CRISPLD1: variants seen among roughly 807,000 people sequenced by gnomAD.
CRISPLD1 encodes cysteine-rich secretory protein LCCL domain-containing 1.
Under a neutral mutation model 77.5 loss-of-function variants are expected in CRISPLD1, and 60 were observed. The observed-to-expected ratio is 0.77, with a 90% CI of 0.63 to 0.96. CRISPLD1 has a LOEUF of 0.96. Among genes scored for constraint, CRISPLD1 ranks in the 40% least tolerant of loss-of-function variants. CRISPLD1 has a pLI of 0.00. For synonymous variants in CRISPLD1, 195 were observed against 200.1 expected (o/e 0.97, Z 0.22); for missense variants, 623 against 615.8 (o/e 1.01, Z -0.12).
chr8:74,994,789 T>G (rs551107261), intron 2 of CRISPLD1, among the ~76,000 whole-genome samples: 1 of 152,242 alleles, frequency 6.6e-6, no homozygotes, highest in Non-Finnish European at 1.5e-5. Context: ...TTTATTTCAT[T>G]TTGGAGGCAG....
chr8:75,008,223 G>A (rs928174807), intron 2 of CRISPLD1, among the ~76,000 whole-genome samples: 1 of 152,148 alleles, frequency 6.6e-6, no homozygotes, highest in African/African-American at 2.4e-5. Context: ...CACCTCAAGT[G>A]TATAGAAATG....
In CRISPLD1 at chr8:75,025,641, C is replaced by A; in HGVS notation, c.1320+20C>A. On this transcript the variant is annotated intron_variant, in intron 13 of 14. Transcript: ENST00000262207. Reference sequence around the variant, plus strand: ...TCTGATGTAAGTATCCTAATTTATACAGCTGTCAACATTCATGTATATATA... The same window carrying A: ...TCTGATGTAAGTATCCTAATTTATAAAGCTGTCAACATTCATGTATATATA... The A allele has an allele frequency of 1.6e-6, 2 of 1,219,082 alleles. No homozygotes were observed. Among genetic ancestry groups the A allele is most frequent in the Non-Finnish European group, 2.4e-6 (2 of 825,214 alleles). 75.5% of individuals were successfully genotyped at this position (1,219,082 alleles called of 1,614,324 possible).
chr8:75,030,734 A>G (rs1813322671), intron 14 of CRISPLD1, among the ~76,000 whole-genome samples: 1 of 134,086 alleles, frequency 7.5e-6, no homozygotes, highest in African/African-American at 2.7e-5. Context: ...GTCTGTGTAT[A>G]TATGTATGAG....
At position 75,016,574 on chromosome 8, in the gene CRISPLD1, A is replaced by T. The variant is rs1813031270; in HGVS notation, c.737A>T (p.Asp246Val). ...RENLCYKEGS[D>V]RYYPPREEET... Reference sequence around the variant, plus strand: ...CTGCTTTCTCTAACAGAAGGGTCAGACAGGTATTATCCCCCTCGAGAAGAG... The same window carrying T: ...CTGCTTTCTCTAACAGAAGGGTCAGTCAGGTATTATCCCCCTCGAGAAGAG... The change falls in exon 7 of 15, where the codon GAC becomes GTC. Residue 246 changes from aspartate (D) to valine (V), a missense_variant. By Grantham distance (152) the Asp-to-Val change is radical. Coordinates refer to ENST00000262207, the MANE Select transcript of CRISPLD1 (RefSeq NM_031461.6). The T allele has an allele frequency of 6.2e-7, 1 of 1,611,736 alleles. No individual in the cohort carries two copies. Among genetic ancestry groups the T allele is most frequent in the African/African-American group, 1.3e-5 (1 of 74,834 alleles).
intron 2 of CRISPLD1, among the ~76,000 whole-genome samples, chr8:74,999,775 C>CT (rs112068678): frequency 0.12 from 16,167 of 138,500 alleles, 930 homozygotes; most frequent in South Asian, 0.14. Flanking sequence ...TTTTTCTTTT[C>CT]TTTTTTTTTT....
chr8:75,031,338 T>G (rs1813341522), intron 14 of CRISPLD1, among the ~76,000 whole-genome samples: 1 of 152,090 alleles, frequency 6.6e-6, no homozygotes, highest in Non-Finnish European at 1.5e-5. Flanking sequence ...CTTTTGTAAT[T>G]ATTAAGAAAA....
chr8:74,988,937 G>A (rs956686119), intron 2 of CRISPLD1, among the ~76,000 whole-genome samples: 10 of 152,218 alleles, frequency 6.6e-5, no homozygotes, highest in Non-Finnish European at 1.0e-4. Context: ...TTGCTCATAA[G>A]CAAGGACACA....
chr8:75,031,512 T>C (rs1279261146), intron 14 of CRISPLD1, among the ~76,000 whole-genome samples: 1 of 151,908 alleles, frequency 6.6e-6, no homozygotes, highest in East Asian at 1.9e-4. Context: ...AATTTATGAG[T>C]CTGCATTACT....
intron 2 of CRISPLD1, among the ~76,000 whole-genome samples, chr8:75,011,855 T>C (rs139212819): frequency 6.6e-6 from 1 of 152,224 alleles, no homozygotes; most frequent in Non-Finnish European, 1.5e-5. Context: ...AAAAGATAGA[T>C]ATGTAAGCAG....
At chr8:74,999,459 A>G (rs1812701019) in intron 2 of CRISPLD1, among the ~76,000 whole-genome samples, 1 of 152,174 alleles carries the variant, frequency 6.6e-6, no homozygotes, top group Non-Finnish European at 1.5e-5. Context: ...GTCTAATACT[A>G]CTCAAACTTT....
intron 2 of CRISPLD1, among the ~76,000 whole-genome samples, chr8:74,988,790 A>G (rs1321417687): frequency 6.6e-6 from 1 of 152,144 alleles, no homozygotes; most frequent in Non-Finnish European, 1.5e-5. Context: ...AGCTGAGATC[A>G]CACCACTGCA....
chr8:74,992,742 G>A (rs1309762680), intron 2 of CRISPLD1, among the ~76,000 whole-genome samples: 2 of 152,082 alleles, frequency 1.3e-5, no homozygotes, highest in Non-Finnish European at 2.9e-5. Flanking sequence ...ACTGTAAGAC[G>A]AAACACATCT....
intron 2 of CRISPLD1, among the ~76,000 whole-genome samples, chr8:74,986,730 T>C (rs1391121493): frequency 6.6e-6 from 1 of 152,222 alleles, no homozygotes; most frequent in Non-Finnish European, 1.5e-5. Flanking sequence ...TTATGGTTGC[T>C]TTATGTTGAA....
rs1812715457 is a variant in CRISPLD1, at chr8:75,000,195, A to G, written c.259-12238A>G. The G allele has an allele frequency of 3.0e-6, 3 of 985,180 alleles. No homozygotes were observed. The Admixed American group carries it at 1.8e-4, about 61-fold the overall frequency. 61.0% of individuals were successfully genotyped at this position (985,180 alleles called of 1,614,324 possible). ...CAGTAAAGGTGCTGCTGGTAATAAA[A>G]CATGAAACTATATCTTATGCTTGGT... On this transcript the variant is annotated intron_variant, in intron 2 of 14. Coordinates refer to ENST00000262207, the MANE Select transcript of CRISPLD1 (RefSeq NM_031461.6).
chr8:74,988,178 G>T (rs1812523249), intron 2 of CRISPLD1, among the ~76,000 whole-genome samples: 1 of 152,120 alleles, frequency 6.6e-6, no homozygotes, highest in Non-Finnish European at 1.5e-5. Context: ...TATTTTATTT[G>T]AAATACTGTC....
In CRISPLD1 at chr8:75,034,528, T is replaced by C. The variant is rs1276588596; in HGVS notation, c.*2286T>C. On this transcript the variant is annotated 3_prime_UTR_variant, in exon 15 of 15. Transcript: ENST00000262207. Reference sequence around the variant, plus strand: ...TTTCCTGTGATTCTCCTTGTAAGAATTAAATGCTCTCTAATATGATATCCC... The same window carrying C: ...TTTCCTGTGATTCTCCTTGTAAGAACTAAATGCTCTCTAATATGATATCCC... 2 of 152,140 alleles carry C rather than the reference T, an allele frequency of 1.3e-5. No homozygotes were observed. The highest frequency in any genetic ancestry group is 2.9e-5 in the Non-Finnish European group (2 of 67,976). The allele number at this position is 152,140 out of a possible 1,614,324, so 9.4% of individuals were successfully genotyped here. A position where few individuals can be genotyped will look rare whatever the true frequency, so the allele number is the denominator to read the frequency against.
chr8:75,028,150 G>A (rs929447210), intron 13 of CRISPLD1, among the ~76,000 whole-genome samples: 1 of 152,122 alleles, frequency 6.6e-6, no homozygotes, highest in African/African-American at 2.4e-5. Context: ...CATATTGGAG[G>A]CAAATATAAT....
intron 12 of CRISPLD1, among the ~76,000 whole-genome samples, chr8:75,021,218 G>A (rs1301751715): frequency 6.6e-6 from 1 of 152,110 alleles, no homozygotes; most frequent in Non-Finnish European, 1.5e-5. Flanking sequence ...TTAAAGAATG[G>A]GATTGGCTGT....
At chr8:74,993,606 A>G (rs1204183674) in intron 2 of CRISPLD1, among the ~76,000 whole-genome samples, 1 of 152,196 alleles carries the variant, frequency 6.6e-6, no homozygotes, top group Non-Finnish European at 1.5e-5. Context: ...AAATTGCACC[A>G]TAGATGACAA....
Sources: gnomAD v4.1 joint callset for allele counts (sites outside exome capture counted in the v4.1 genomes callset) on GRCh38, gnomAD v4.1.1 for gene constraint, MANE v1.5 for transcripts, NCBI Gene and HGNC (gene_info 2026-07-23, HGNC 2026-07-21) for gene names.